Variants in EPC2 observed in about 807,000 individuals in gnomAD.
EPC2 encodes enhancer of polycomb homolog 2.
Under a neutral mutation model 92.1 loss-of-function variants are expected in EPC2, and 14 were observed. That is an observed-to-expected ratio of 0.15 (90% CI 0.10 to 0.24). EPC2 has a LOEUF of 0.24. Among genes scored for constraint, EPC2 ranks in the 10% least tolerant of loss-of-function variants. The pLI, the probability that EPC2 is intolerant of heterozygous loss-of-function variation, is 1.00. For synonymous variants in EPC2, 340 were observed against 334.7 expected (o/e 1.02, Z -0.17); for missense variants, 755 against 971.5 (o/e 0.78, Z 2.96).
chr2:148,704,579 A>G (rs2105379543), intron 2 of EPC2, among the ~76,000 whole-genome samples: 1 of 152,352 alleles, frequency 6.6e-6, no homozygotes, highest in Admixed American at 6.5e-5. Context: ...GTATATACTC[A>G]GATTTGAGAA....
rs775703289 is a variant in EPC2 at position 148,783,690 on chromosome 2, C to T, written c.1951C>T (p.Arg651Cys). ...SAVVSAPVPS[R>C]SEVAKEQNTG... ...AGTGGTCAGTGCACCTGTTCCAAGT[C>T]GCAGTGAGGTAGCCAAGGAACAGAA... is the stretch of plus-strand genomic sequence containing the variant. Residue 651 changes from arginine to cysteine, a missense_variant, in exon 12 of 14, where the codon CGC becomes TGC. Physicochemically the swap from Arg to Cys is radical, Grantham distance 180. Coordinates refer to ENST00000258484, the MANE Select transcript of EPC2 (RefSeq NM_015630.4). 2.8e-5 allele frequency: 44 copies of T among 1,595,968 alleles called. No homozygotes were observed. Among genetic ancestry groups the T allele is most frequent in the Non-Finnish European group, 3.5e-5 (41 of 1,170,596 alleles).
chr2:148,671,347 C>T (rs1302731341), intron 1 of EPC2, among the ~76,000 whole-genome samples: 1 of 138,232 alleles, frequency 7.2e-6, no homozygotes, highest in Non-Finnish European at 1.5e-5. Context: ...GGCATGATGG[C>T]TCATGCCTGT....
intron 10 of EPC2, among the ~76,000 whole-genome samples, chr2:148,774,626 A>AT (rs1250231843): frequency 2.0e-5 from 3 of 146,876 alleles, no homozygotes; most frequent in East Asian, 4.1e-4. Context: ...AATATATTTT[A>AT]TATATATATA....
intron 3 of EPC2, among the ~76,000 whole-genome samples, chr2:148,751,382 T>C (rs1054369217): frequency 3.9e-5 from 6 of 152,066 alleles, no homozygotes; most frequent in South Asian, 2.1e-4. Context: ...TATCTCCCCA[T>C]CCCTGTAAGT....
intron 2 of EPC2, chr2:148,691,845 T>TAA (rs1459072041): frequency 1.6e-6 from 1 of 640,228 alleles, no homozygotes; most frequent in East Asian, 3.0e-5. Context: ...TCTTTAATCT[T>TAA]ACACTGAGGG....
chr2:148,687,330 C>T (rs1681548093), intron 1 of EPC2, among the ~76,000 whole-genome samples: 1 of 152,218 alleles, frequency 6.6e-6, no homozygotes, highest in Non-Finnish European at 1.5e-5. Context: ...GACCACTGAC[C>T]AGACCACTGA....
intron 2 of EPC2, among the ~76,000 whole-genome samples, chr2:148,709,491 C>A (rs1682084134): frequency 6.6e-6 from 1 of 152,202 alleles, no homozygotes; most frequent in East Asian, 1.9e-4. Context: ...TTGGAAAAAA[C>A]TACTTTAAAG....
chr2:148,651,394 T>G (rs1355174365), intron 1 of EPC2, among the ~76,000 whole-genome samples: 1 of 152,190 alleles, frequency 6.6e-6, no homozygotes, highest in Non-Finnish European at 1.5e-5. Flanking sequence ...GTCTTCCCCT[T>G]CATTTTATCC....
chr2:148,644,935 T>TGGA lies in EPC2; in HGVS notation c.-77_-75dup. ...GGCCGCGCTGCACTGAGGAAGGAGG[T>TGGA]GGAGGAGGCGGCGGGAGTCCTCCCC... On this transcript the variant is annotated 5_prime_UTR_variant, in exon 1 of 14. Transcript: ENST00000258484. 1 of 1,191,136 alleles carries TGGA rather than the reference T, an allele frequency of 8.4e-7. No individual in the cohort carries two copies. Among genetic ancestry groups the TGGA allele is most frequent in the Non-Finnish European group, 1.2e-6 (1 of 834,466 alleles). The allele number at this position is 1,191,136 out of a possible 1,614,324, so 73.8% of individuals were successfully genotyped here. A position where few individuals can be genotyped will look rare whatever the true frequency, so the allele number is the denominator to read the frequency against.
intron 1 of EPC2, among the ~76,000 whole-genome samples, chr2:148,652,094 TAGAG>T (rs1371681244): frequency 5.9e-5 from 9 of 152,184 alleles, no homozygotes; most frequent in Non-Finnish European, 1.0e-4. Flanking sequence ...ATTCTTGAGA[TAGAG>T]AGCGTTATTG....
In EPC2 at chr2:148,769,140, C is replaced by T. The variant is rs755981365; in HGVS notation, c.1141-11C>T. On this transcript the variant is annotated splice_polypyrimidine_tract_variant and intron_variant, in intron 7 of 13. Transcript: ENST00000258484. Reference sequence around the variant, plus strand: ...TTGATAACTTCTAAATGGAATGCCTCTTTTGTCTAGGTATTGTCCCCAGTA... The same window carrying T: ...TTGATAACTTCTAAATGGAATGCCTTTTTTGTCTAGGTATTGTCCCCAGTA... The T allele has an allele frequency of 2.5e-6, 4 of 1,599,932 alleles. No homozygotes were observed. Among genetic ancestry groups the T allele is most frequent in the Non-Finnish European group, 3.4e-6 (4 of 1,169,454 alleles).
At chr2:148,755,884 A>G (rs1418625582) in intron 4 of EPC2, among the ~76,000 whole-genome samples, 2 of 152,184 alleles carry the variant, frequency 1.3e-5, no homozygotes, top group Non-Finnish European at 2.9e-5. Flanking sequence ...GAGCCACCAC[A>G]TCCAACCTCT....
intron 2 of EPC2, among the ~76,000 whole-genome samples, chr2:148,699,739 C>T (rs1681835295): frequency 6.6e-6 from 1 of 152,170 alleles, no homozygotes; most frequent in Admixed American, 6.5e-5. Context: ...GAGTTTTCAG[C>T]TCAATTGGGT....
At chr2:148,754,385 G>T (rs544165097) in intron 4 of EPC2, among the ~76,000 whole-genome samples, 21 of 152,210 alleles carry the variant, frequency 1.4e-4, no homozygotes, top group Admixed American at 2.6e-4. Flanking sequence ...TGCTACCTAT[G>T]CCTTTTATAA....
Position 148,714,772 on chromosome 2 carries a change from A to G in EPC2, c.313+24399A>G, listed in dbSNP as rs148140325. ...TAATCAGGTTGTTTTTTTCTTGTAA[A>G]TTTGTTTAAGTTCCTTGTAGATGCT... is the stretch of plus-strand genomic sequence containing the variant. On this transcript the variant is annotated intron_variant, in intron 2 of 13. Coordinates refer to ENST00000258484, the MANE Select transcript of EPC2 (RefSeq NM_015630.4). Among the ~76,000 whole-genome samples the G allele has an allele frequency of 9.9e-3, 1,505 of 152,112 alleles. 28 individuals are homozygous for G. The highest frequency in any genetic ancestry group is 0.081 in the East Asian group (421 of 5,182).
intron 1 of EPC2, among the ~76,000 whole-genome samples, chr2:148,647,022 A>C (rs1026052575): frequency 2.0e-5 from 3 of 152,044 alleles, no homozygotes; most frequent in East Asian, 1.9e-4. Context: ...AGGCAGAAGA[A>C]TTGCTTGAAC....
At chr2:148,693,908 T>A in intron 2 of EPC2, among the ~76,000 whole-genome samples, 1 of 152,204 alleles carries the variant, frequency 6.6e-6, no homozygotes, top group South Asian at 2.1e-4. Context: ...GTGCGTACTT[T>A]CGTTGTGGCA....
At chr2:148,703,971 G>C (rs1681941552) in intron 2 of EPC2, among the ~76,000 whole-genome samples, 1 of 152,226 alleles carries the variant, frequency 6.6e-6, no homozygotes, top group South Asian at 2.1e-4. Context: ...AAATGGTGTA[G>C]CCACTGTGGA....
At chr2:148,676,789 T>G (rs1212968029) in intron 1 of EPC2, among the ~76,000 whole-genome samples, 2 of 151,466 alleles carry the variant, frequency 1.3e-5, no homozygotes, top group Non-Finnish European at 2.9e-5. Flanking sequence ...TCTCTCTCTC[T>G]CTCTCTCTCT....
Sources: gnomAD v4.1 joint callset for allele counts (sites outside exome capture counted in the v4.1 genomes callset) on GRCh38, gnomAD v4.1.1 for gene constraint, MANE v1.5 for transcripts, NCBI Gene and HGNC (gene_info 2026-07-23, HGNC 2026-07-21) for gene names.